The following GADL1 variants were observed in gnomAD, a reference collection of about 807,000 sequenced individuals.
GADL1 encodes acidic amino acid decarboxylase GADL1.
GADL1 carries 71 observed loss-of-function variants against 69.5 expected under a neutral mutation model. The ratio of observed to expected loss-of-function variants is 1.02; its 90% CI spans 0.84 to 1.25. The LOEUF is 1.25. Ranked by LOEUF, GADL1 falls within the 50% of genes most tolerant of loss-of-function variation. GADL1 has a pLI of 0.00. For missense variants in GADL1, 737 were observed against 631.8 expected (o/e 1.17, Z -1.79); for synonymous variants, 254 against 214.4 (o/e 1.18, Z -1.62).
At chr3:30,884,874 C>A (rs1439505926) in intron 1 of GADL1, among the ~76,000 whole-genome samples, 1 of 151,950 alleles carries the variant, frequency 6.6e-6, no homozygotes, top group African/African-American at 2.4e-5. Context: ...TCAACCCTCA[C>A]AAAACCCTAG....
chr3:30,818,367 T>G (rs779048146), intron 11 of GADL1, among the ~76,000 whole-genome samples: 1 of 152,180 alleles, frequency 6.6e-6, no homozygotes, highest in Non-Finnish European at 1.5e-5. Flanking sequence ...TTATTTTTCT[T>G]TAAAACATTT....
In GADL1 at chr3:30,793,489, G is replaced by A. The variant is rs147853971; in HGVS notation, c.1251-7083C>T. On this transcript the variant is annotated intron_variant, in intron 12 of 14. Transcript: ENST00000282538. ...ACTATCAAAAGGCATTCAAGTAAGT[G>A]GACTCGAAAAGCAGTAATAACTTCA... 3.9e-5 allele frequency among the ~76,000 whole-genome samples: 6 copies of A among 152,124 alleles called. No individual in the cohort carries two copies. The East Asian group carries it at 1.2e-3, about 29-fold the overall frequency.
intron 13 of GADL1, among the ~76,000 whole-genome samples, chr3:30,782,366 C>T (rs1696684890): frequency 6.6e-6 from 1 of 151,962 alleles, no homozygotes; most frequent in Admixed American, 6.6e-5. Context: ...AAGGCAGTGG[C>T]TTTGGGAGTG....
intron 14 of GADL1, among the ~76,000 whole-genome samples, chr3:30,776,863 A>T (rs947117318): frequency 6.6e-6 from 1 of 152,080 alleles, no homozygotes; most frequent in Non-Finnish European, 1.5e-5. Context: ...TTTGAATCAC[A>T]TTCTCCCCTC....
intron 11 of GADL1, among the ~76,000 whole-genome samples, chr3:30,801,979 TCTAA>T (rs923048116): frequency 1.3e-5 from 2 of 152,198 alleles, no homozygotes; most frequent in East Asian, 1.9e-4. Context: ...TTTGCTTGAA[TCTAA>T]CTCTCTATTT....
rs1198531095 is a variant in GADL1 at position 30,865,303 on chromosome 3, A to ATT, written c.38-3539_38-3538insAA. Among the ~76,000 whole-genome samples the ATT allele has an allele frequency of 2.9e-4, 21 of 71,362 alleles. No homozygotes were observed. In the South Asian group the frequency reaches 5.2e-3, roughly 18 times the overall value. The allele number at this position is 71,362 out of a possible 152,430, so 46.8% of individuals were successfully genotyped here. On this transcript the variant is annotated intron_variant, in intron 1 of 14. Transcript: ENST00000282538. ...TAAATTAATATATATATATATATAT[A>ATT]TATTTTTTAATATCTGTCTCTCCAA...
At chr3:30,853,324 C>T (rs771507915) in intron 4 of GADL1, among the ~76,000 whole-genome samples, 1 of 151,950 alleles carries the variant, frequency 6.6e-6, no homozygotes, top group Non-Finnish European at 1.5e-5. Context: ...TGGGTTGGCA[C>T]CCAGGTATCA....
chr3:30,855,835 T>G (rs1698222553), intron 3 of GADL1, among the ~76,000 whole-genome samples: 1 of 148,350 alleles, frequency 6.7e-6, no homozygotes, highest in Admixed American at 6.8e-5. Context: ...TTTATTTTAG[T>G]TTTTTTTTTC....
intron 14 of GADL1, among the ~76,000 whole-genome samples, chr3:30,765,036 C>CTT (rs3043001): frequency 6.6e-6 from 1 of 151,728 alleles, no homozygotes; most frequent in African/African-American, 2.4e-5. Context: ...TGCAAATTGA[C>CTT]TTTTTCCTTC....
intron 1 of GADL1, among the ~76,000 whole-genome samples, chr3:30,886,300 A>G (rs1326714438): frequency 6.6e-6 from 1 of 152,138 alleles, no homozygotes; most frequent in African/African-American, 2.4e-5. Flanking sequence ...CAAGAGGACT[A>G]GATATATCCA....
intron 1 of GADL1, among the ~76,000 whole-genome samples, chr3:30,881,700 C>CA (rs370666278): frequency 0.014 from 2,085 of 151,896 alleles, 43 homozygotes; most frequent in African/African-American, 0.046. Context: ...CAAAATACAA[C>CA]AAAAAAATGA....
At chr3:30,856,644 T>A (rs1014415724) in intron 3 of GADL1, among the ~76,000 whole-genome samples, 7 of 152,084 alleles carry the variant, frequency 4.6e-5, no homozygotes, top group African/African-American at 1.4e-4. Context: ...CTCTGGGCCA[T>A]CAAGATTTAA....
Position 30,828,477 on chromosome 3 carries a change from A to T in GADL1, c.1050+5376T>A, listed in dbSNP as rs200458379. Among the ~76,000 whole-genome samples the T allele has an allele frequency of 5.4e-5, 3 of 55,446 alleles. No individual in the cohort carries two copies. The East Asian group carries it at 1.7e-3, about 31-fold the overall frequency. The allele number at this position is 55,446 out of a possible 152,430, so 36.4% of individuals were successfully genotyped here. A position where few individuals can be genotyped will look rare whatever the true frequency, so the allele number is the denominator to read the frequency against. Reference sequence around the variant, plus strand: ...CTGCTACTCCTTCTCCAAAAATAAAAGTGGGGGGGGTGCGGGGGAGGGTCT... The same window carrying T: ...CTGCTACTCCTTCTCCAAAAATAAATGTGGGGGGGGTGCGGGGGAGGGTCT... On this transcript the variant is annotated intron_variant, in intron 11 of 14. Coordinates refer to ENST00000282538, the MANE Select transcript of GADL1 (RefSeq NM_207359.3).
chr3:30,743,164 A>G (rs1695651665), intron 14 of GADL1, among the ~76,000 whole-genome samples: 1 of 152,124 alleles, frequency 6.6e-6, no homozygotes, highest in African/African-American at 2.4e-5. Context: ...TTGAGAGAGT[A>G]TCTTTAATAT....
intron 6 of GADL1, among the ~76,000 whole-genome samples, chr3:30,849,058 T>A (rs984921003): frequency 5.9e-5 from 9 of 152,136 alleles, no homozygotes; most frequent in Admixed American, 1.3e-4. Context: ...TCAAGAGGCC[T>A]GATGTGTTGC....
intron 14 of GADL1, among the ~76,000 whole-genome samples, chr3:30,740,098 AG>A (rs1012597562): frequency 2.0e-5 from 3 of 152,148 alleles, no homozygotes; most frequent in Non-Finnish European, 4.4e-5. Flanking sequence ...AGAGGGATAG[AG>A]GGGCTCCCAC....
chr3:30,786,974 C>T (rs1334535963), intron 12 of GADL1, among the ~76,000 whole-genome samples: 1 of 152,050 alleles, frequency 6.6e-6, no homozygotes, highest in Non-Finnish European at 1.5e-5. Context: ...CATGTTCTTG[C>T]TTATAAGTGG....
At chr3:30,850,648 T>C (rs1698133504) in intron 5 of GADL1, among the ~76,000 whole-genome samples, 187 bp downstream of exon 5, 2 of 152,180 alleles carry the variant, frequency 1.3e-5, no homozygotes, top group Admixed American at 6.5e-5. Context: ...TAAGTATGTA[T>C]GTCATCTATT....
intron 14 of GADL1, among the ~76,000 whole-genome samples, chr3:30,770,281 CATTA>C (rs1053798219): frequency 2.0e-5 from 3 of 152,202 alleles, no homozygotes; most frequent in Admixed American, 1.3e-4. Flanking sequence ...GGCCTATAAG[CATTA>C]ATTAAGCTTC....
Sources: allele counts gnomAD v4.1 joint callset (sites outside exome capture counted in the v4.1 genomes callset), GRCh38; gene constraint gnomAD v4.1.1; transcripts MANE v1.5; gene names NCBI Gene and HGNC (gene_info 2026-07-23, HGNC 2026-07-21).